Variants in RBBP7 observed in about 807,000 individuals in gnomAD.
The protein encoded by RBBP7 is histone-binding protein RBBP7.
RBBP7 carries 5 observed loss-of-function variants against 35.2 expected under a neutral mutation model. The ratio of observed to expected loss-of-function variants is 0.14; its 90% CI spans 0.07 to 0.30. RBBP7 has a LOEUF of 0.30. RBBP7 is among the 10% of genes least tolerant of loss of function. The pLI, the probability that RBBP7 is intolerant of heterozygous loss-of-function variation, is 1.00. For synonymous variants in RBBP7, 140 were observed against 118.7 expected (o/e 1.18, Z -1.17); for missense variants, 155 against 327.5 (o/e 0.47, Z 4.07).
chrX:16,857,800 G>T, intron 4 of RBBP7, 91 bp from the exon 5 acceptor site: 1 of 1,106,177 alleles, frequency 9.0e-7, no homozygotes, highest in East Asian at 3.2e-5. Flanking sequence ...AACCATTACA[G>T]CAACTGCACA....
At chrX:16,864,143 A>G (rs1930540436) in intron 2 of RBBP7, among the ~76,000 whole-genome samples, 1 of 110,789 alleles carries the variant, frequency 9.0e-6, no homozygotes, top group Non-Finnish European at 1.9e-5. Context: ...GTGTGTGCAC[A>G]TGGAGAAGAG....
chrX:16,869,669 A>T (rs757172877), intron 1 of RBBP7: 546 of 1,079,706 alleles, frequency 5.1e-4, no homozygotes, highest in Non-Finnish European at 6.3e-4. Flanking sequence ...CAACCCCCGG[A>T]CAAGGGCCGC....
chrX:16,858,997 A>C, intron 3 of RBBP7, 148 bp from the exon 4 acceptor site: 1 of 859,346 alleles, frequency 1.2e-6, no homozygotes, highest in African/African-American at 2.0e-5. Context: ...GAGAAAACCC[A>C]AAAATGTGGG....
intron 6 of RBBP7, 23 bp from the exon 7 acceptor site, chrX:16,852,898 C>G (rs1248896539): frequency 8.3e-7 from 1 of 1,207,932 alleles, no homozygotes; most frequent in Non-Finnish European, 1.1e-6. Flanking sequence ...GGTAAAGGCA[C>G]ACGGCACCCA....
intron 3 of RBBP7, 128 bp from the exon 4 acceptor site, chrX:16,858,977 A>C (rs1930408788): frequency 1.0e-6 from 1 of 996,385 alleles, no homozygotes; most frequent in African/African-American, 1.9e-5. Context: ...CAAAGACAGA[A>C]ACATGCATAG....
intron 5 of RBBP7, among the ~76,000 whole-genome samples, chrX:16,856,542 AAACAACAAC>A (rs79869612): frequency 4.7e-5 from 5 of 106,858 alleles, no homozygotes; most frequent in South Asian, 8.0e-4. Context: ...AAAACAAACA[AAACAACAAC>A]AACAACAACA....
At chrX:16,866,140 T>A (rs1473669155) in intron 2 of RBBP7, among the ~76,000 whole-genome samples, 1 of 111,896 alleles carries the variant, frequency 8.9e-6, no homozygotes, top group East Asian at 2.8e-4. Flanking sequence ...CAAAGCTTTT[T>A]AGGTAGACAA....
At chrX:16,863,961 G>C (rs760561445) in intron 2 of RBBP7, among the ~76,000 whole-genome samples, 4 of 110,847 alleles carry the variant, frequency 3.6e-5, no homozygotes, top group Non-Finnish European at 7.5e-5. Context: ...TAGGGGTCTA[G>C]GCCCTAACAC....
intron 5 of RBBP7, among the ~76,000 whole-genome samples, chrX:16,854,529 C>T (rs1157449972): frequency 9.0e-6 from 1 of 111,420 alleles, no homozygotes; most frequent in African/African-American, 3.3e-5. Context: ...AAAGTTTACA[C>T]TGGGATGGGA....
chrX:16,859,571 T>C (rs1440075419), intron 3 of RBBP7, among the ~76,000 whole-genome samples: 1 of 112,781 alleles, frequency 8.9e-6, no homozygotes, highest in Admixed American at 9.4e-5. Flanking sequence ...AGAGAACATC[T>C]AAGCAAATAC....
intron 3 of RBBP7, among the ~76,000 whole-genome samples, chrX:16,860,759 G>A (rs1013704459): frequency 1.8e-5 from 2 of 110,466 alleles, no homozygotes; most frequent in Non-Finnish European, 3.8e-5. Context: ...TCAGCTACTT[G>A]TTAGAATACA....
intron 3 of RBBP7, 115 bp downstream of exon 3, chrX:16,862,840 A>C (rs1305403488): frequency 1.2e-6 from 1 of 834,399 alleles, no homozygotes; most frequent in Non-Finnish European, 1.7e-6. Context: ...CTGTAGAATA[A>C]AGTCCTAGAA....
At chrX:16,860,674 G>C (rs1203350423) in intron 3 of RBBP7, among the ~76,000 whole-genome samples, 2 of 53,732 alleles carry the variant, frequency 3.7e-5, no homozygotes, top group African/African-American at 1.3e-4. Flanking sequence ...ACTTCGTCTC[G>C]AAAAAAAAAA....
intron 2 of RBBP7, among the ~76,000 whole-genome samples, chrX:16,867,832 C>T (rs1206166013): frequency 9.3e-6 from 1 of 107,674 alleles, no homozygotes; most frequent in Non-Finnish European, 1.9e-5. Context: ...GTACACGCTG[C>T]CACGCCCGGT....
chrX:16,870,292 G>C lies in RBBP7; in HGVS notation c.-239C>G, dbSNP rs1426546933. The C allele has an allele frequency of 9.4e-6, 3 of 318,115 alleles. No homozygotes were observed. The highest frequency in any genetic ancestry group is 9.5e-5 in the East Asian group (1 of 10,541). 26.2% of individuals were successfully genotyped at this position (318,115 alleles called of 1,213,427 possible). ...TTCTCTCTCTCTCCAAACTTGGAAC[G>C]AGACTTTTCAACCCGCGCCTCCCAG... On this transcript the variant is annotated 5_prime_UTR_variant, in exon 1 of 12. Coordinates refer to ENST00000380087, the MANE Select transcript of RBBP7 (RefSeq NM_002893.4).
chrX:16,846,081 T>A, intron 10 of RBBP7, 143 bp from the exon 11 acceptor site: 1 of 1,011,983 alleles, frequency 9.9e-7, no homozygotes, highest in South Asian at 2.6e-5. Context: ...GGCTCAGTAA[T>A]CTATTTATAC....
rs777081130 is a variant in RBBP7 at position 16,852,824 on chromosome X, C to T, written c.810G>A (p.Ala270=). 1.3e-5 allele frequency: 16 copies of T among 1,210,278 alleles called. No homozygotes were observed. The highest frequency in any genetic ancestry group is 7.0e-5 in the African/African-American group (4 of 57,172). Residue 270 remains alanine, a synonymous_variant, in exon 7 of 12, where the codon GCG becomes GCA. Transcript: ENST00000380087. The part of the protein sequence containing the change: ...TTSKPSHLVD[A]HTAEVNCLSF... ...AGAGGCAGTTGACTTCGGCAGTGTG[C>T]GCATCCACCAAGTGACTCGGCTTGG...
chrX:16,856,524 C>T (rs764942117), intron 5 of RBBP7, among the ~76,000 whole-genome samples: 7 of 104,559 alleles, frequency 6.7e-5, no homozygotes, highest in South Asian at 4.2e-4. Context: ...AGACAGACTC[C>T]GTCTCAAAAA....
At chrX:16,849,140 C>T in intron 10 of RBBP7, 104 bp downstream of exon 10, 1 of 777,008 alleles carries the variant, frequency 1.3e-6, no homozygotes. Context: ...TTGAAACCAT[C>T]TGCAAGAGCT....
Sources: gnomAD v4.1 joint callset for allele counts (sites outside exome capture counted in the v4.1 genomes callset) on GRCh38, gnomAD v4.1.1 for gene constraint, MANE v1.5 for transcripts, NCBI Gene and HGNC (gene_info 2026-07-23, HGNC 2026-07-21) for gene names.